DENND10: variants seen among roughly 807,000 people sequenced by gnomAD.
DENND10 encodes DENN domain containing 10, also known as DENN domain-containing protein 10.
DENND10 carries 24 observed loss-of-function variants against 43.6 expected under a neutral mutation model. The ratio of observed to expected loss-of-function variants is 0.55; its 90% CI spans 0.40 to 0.77. The LOEUF (loss-of-function observed/expected upper bound fraction) is 0.77. Among genes scored for constraint, DENND10 ranks in the 30% least tolerant of loss-of-function variants. DENND10 has a pLI of 0.00. For missense variants in DENND10, 303 were observed against 429.9 expected, an observed-to-expected ratio of 0.70 and a Z score of 2.61; for synonymous variants, 125 against 157.6, an observed-to-expected ratio of 0.79 and a Z score of 1.55.
chr10:119,136,164 C>T (rs1429717753), intron 8 of DENND10, among the ~76,000 whole-genome samples: 2 of 152,086 alleles, frequency 1.3e-5, no homozygotes, highest in East Asian at 3.9e-4. Flanking sequence ...GGTAACAGAG[C>T]GAGACCCTGT....
At chr10:119,110,253 C>T (rs1844915282) in intron 2 of DENND10, among the ~76,000 whole-genome samples, 1 of 151,404 alleles carries the variant, frequency 6.6e-6, no homozygotes, top group Admixed American at 6.6e-5. Context: ...CTCACTGCAA[C>T]CTCTGCCTCC....
At chr10:119,106,234 A>C (rs1286992971) in intron 1 of DENND10, among the ~76,000 whole-genome samples, 1 of 152,178 alleles carries the variant, frequency 6.6e-6, no homozygotes, top group Admixed American at 6.6e-5. Flanking sequence ...GAGAGAGAAA[A>C]AAAAACAGAA....
chr10:119,123,265 C>T (rs1845658260), intron 5 of DENND10, among the ~76,000 whole-genome samples: 1 of 152,114 alleles, frequency 6.6e-6, no homozygotes, highest in Admixed American at 6.5e-5. Flanking sequence ...GAAACTCCAT[C>T]TCAAAAAAAT....
At chr10:119,114,839 G>A (rs34795123) in intron 3 of DENND10, among the ~76,000 whole-genome samples, 44,427 of 151,074 alleles carry the variant, frequency 0.29, 8,139 homozygotes, top group Non-Finnish European at 0.4. Context: ...GCGCCACCTC[G>A]GCTCACTACC....
rs564482305 is a variant in DENND10 at position 119,124,841 on chromosome 10, C to T, written c.694+1272C>T. 9.9e-5 allele frequency among the ~76,000 whole-genome samples: 15 copies of T among 151,814 alleles called. No homozygotes were observed. The South Asian group carries it at 3.1e-3, about 32-fold the overall frequency. ...CTTTGGGAGGCCGAGGTGGGGTGAT[C>T]GCCTGAGCCCAGGAGTTCCAGACCA... On this transcript the variant is annotated intron_variant, in intron 6 of 8. Coordinates refer to ENST00000361432, the MANE Select transcript of DENND10 (RefSeq NM_207009.4).
intron 1 of DENND10, 79 bp from the exon 2 acceptor site, chr10:119,107,889 T>C: frequency 1.5e-6 from 2 of 1,310,604 alleles, no homozygotes; most frequent in Non-Finnish European, 2.2e-6. Flanking sequence ...CTGATTCCAC[T>C]AAGTGTTTCT....
chr10:119,127,663 T>G (rs955349942), intron 6 of DENND10, among the ~76,000 whole-genome samples: 13 of 151,820 alleles, frequency 8.6e-5, no homozygotes, highest in Admixed American at 4.6e-4. Context: ...TTTTATTTTA[T>G]TTTTAGTAGA....
chr10:119,117,464 T>C, intron 3 of DENND10, 55 bp from the exon 4 acceptor site: 1 of 1,582,030 alleles, frequency 6.3e-7, no homozygotes, highest in Non-Finnish European at 8.6e-7. Context: ...GGTGCACATC[T>C]GTACATGATT....
At chr10:119,131,682 A>C (rs941023123) in intron 7 of DENND10, among the ~76,000 whole-genome samples, 1 of 152,228 alleles carries the variant, frequency 6.6e-6, no homozygotes, top group African/African-American at 2.4e-5. Flanking sequence ...TGAAAAATTC[A>C]AATTAATAGA....
rs754890843 is a variant in DENND10, at chr10:119,136,591, G to A, written c.1018G>A (p.Ala340Thr). ...EALKQKRFPPATENFLYHLAA... is the reference protein window; with the variant it reads ...EALKQKRFPPTTENFLYHLAA... ...GCTAAAGCAAAAACGATTTCCACCAGCAACAGAAAACTTCCTTTATCATCT... is the reference window on the plus strand; with the variant it reads ...GCTAAAGCAAAAACGATTTCCACCAACAACAGAAAACTTCCTTTATCATCT... The change falls in exon 9 of 9, where the codon GCA becomes ACA. Residue 340 changes from alanine to threonine, a missense_variant. By Grantham distance (58) the Ala-to-Thr change is moderately conservative. Coordinates refer to ENST00000361432, the MANE Select transcript of DENND10 (RefSeq NM_207009.4). 6 of 1,578,548 alleles carry A rather than the reference G, an allele frequency of 3.8e-6. No individual in the cohort carries two copies. The African/African-American group carries it at 5.6e-5, about 15-fold the overall frequency.
intron 5 of DENND10, 109 bp from the exon 6 acceptor site, chr10:119,123,360 C>A: frequency 1.3e-6 from 1 of 757,490 alleles, no homozygotes; most frequent in Non-Finnish European, 2.3e-6. Context: ...CCCTGATTAG[C>A]TGTAGACTCT....
chr10:119,121,619 T>G (rs2133497409), intron 5 of DENND10, among the ~76,000 whole-genome samples: 1 of 152,008 alleles, frequency 6.6e-6, no homozygotes, highest in Admixed American at 6.6e-5. Context: ...CACGCCCAGC[T>G]AATTTTTGTA....
intron 6 of DENND10, 137 bp downstream of exon 6, chr10:119,123,706 C>G: frequency 1.5e-6 from 1 of 675,974 alleles, no homozygotes; most frequent in Non-Finnish European, 2.6e-6. Context: ...GCCTTCAATT[C>G]TCCTGCCTTA....
chr10:119,136,091 T>C (rs970751835), intron 8 of DENND10, among the ~76,000 whole-genome samples: 1 of 152,110 alleles, frequency 6.6e-6, no homozygotes, highest in African/African-American at 2.4e-5. Flanking sequence ...GGTGGGTAGA[T>C]CACTTGAGCC....
intron 6 of DENND10, among the ~76,000 whole-genome samples, chr10:119,126,288 C>A (rs746963339): frequency 1.4e-4 from 22 of 152,154 alleles, no homozygotes; most frequent in Non-Finnish European, 2.5e-4. Context: ...CTCTTTGATA[C>A]ACTGATTTCC....
intron 4 of DENND10, among the ~76,000 whole-genome samples, chr10:119,119,797 GT>G (rs1201732888): frequency 6.6e-6 from 1 of 151,012 alleles, no homozygotes; most frequent in Non-Finnish European, 1.5e-5. Flanking sequence ...AGTTGTTTCA[GT>G]TTTTTGTGAG....
chr10:119,126,880 T>A (rs1043357981), intron 6 of DENND10, among the ~76,000 whole-genome samples: 1 of 151,672 alleles, frequency 6.6e-6, no homozygotes, highest in Admixed American at 6.6e-5. Context: ...CTTATGAAAA[T>A]TTTTCTTTCT....
At position 119,117,566 on chromosome 10, in the gene DENND10, T is replaced by C. The variant is rs749227931; in HGVS notation, c.380T>C (p.Ile127Thr). 1.9e-5 allele frequency: 30 copies of C among 1,613,944 alleles called. No homozygotes were observed. In the Middle Eastern group the frequency reaches 8.2e-4, roughly 44 times the overall value. ...GSPVKMMESY[I>T]AVLTKGICQS... ...CCAGTTAAAATGATGGAGAGTTATA[T>C]TGCAGTTCTCACAAAGGGGATATGC... Residue 127 changes from isoleucine to threonine, a missense_variant, in exon 4 of 9, where the codon ATT (isoleucine) becomes ACT (threonine). Physicochemically the swap from Ile to Thr is moderately conservative, Grantham distance 89. Transcript: ENST00000361432.
At chr10:119,131,187 G>A (rs1019214486) in intron 7 of DENND10, among the ~76,000 whole-genome samples, 5 of 152,186 alleles carry the variant, frequency 3.3e-5, no homozygotes, top group Admixed American at 6.5e-5. Flanking sequence ...GGCCGGCCAT[G>A]GTGGCTCACG....
Sources: allele counts gnomAD v4.1 joint callset (sites outside exome capture counted in the v4.1 genomes callset), GRCh38; gene constraint gnomAD v4.1.1; transcripts MANE v1.5; gene names NCBI Gene and HGNC (gene_info 2026-07-23, HGNC 2026-07-21).